SCARB2: variants seen among roughly 807,000 people sequenced by gnomAD.
The protein encoded by SCARB2 is scavenger receptor class B member 2.
In SCARB2, 29 loss-of-function variants were observed where a neutral mutation model predicts 58.6. The ratio of observed to expected loss-of-function variants is 0.49; its 90% CI spans 0.37 to 0.67. The LOEUF (loss-of-function observed/expected upper bound fraction) is 0.67. Ranked by LOEUF, SCARB2 falls within the 30% of genes least tolerant of loss-of-function variation. The pLI is 0.00. For synonymous variants in SCARB2, 195 were observed against 210.1 expected (o/e 0.93, Z 0.62); for missense variants, 488 against 578.5 (o/e 0.84, Z 1.60).
At chr4:76,224,797 G>A (rs1199258141) in intron 1 of SCARB2, among the ~76,000 whole-genome samples, 2 of 151,784 alleles carry the variant, frequency 1.3e-5, no homozygotes, top group Non-Finnish European at 2.9e-5. Context: ...GTGGTGTTTG[G>A]TTGCATGGAA....
intron 1 of SCARB2, among the ~76,000 whole-genome samples, chr4:76,221,615 C>T (rs768953885): frequency 6.6e-6 from 1 of 152,052 alleles, no homozygotes; most frequent in Non-Finnish European, 1.5e-5. Context: ...CCACCGCACC[C>T]GGCCTATTCC....
rs933300631 is a variant in SCARB2, at chr4:76,168,341, C to A, written c.1187+62G>T. 10 of 1,294,314 alleles carry A rather than the reference C, an allele frequency of 7.7e-6. No homozygotes were observed. The African/African-American group carries it at 1.5e-4, about 19-fold the overall frequency. 80.2% of individuals were successfully genotyped at this position (1,294,314 alleles called of 1,614,324 possible). On this transcript the variant is annotated intron_variant, in intron 9 of 11. Transcript: ENST00000264896. The stretch of plus-strand genomic sequence containing the variant: ...TAGGCTGTACTCCTCCTGACATCAA[C>A]CCCACCAGACGGGCAATGGAGCAAA...
chr4:76,183,776 T>A (rs62302656), intron 2 of SCARB2, among the ~76,000 whole-genome samples: 34,050 of 152,076 alleles, frequency 0.22, 4,677 homozygotes, highest in African/African-American at 0.39. Context: ...GTCCTCTTCT[T>A]TCAGGACCAG....
At chr4:76,184,783 A>G (rs1560712136) in intron 2 of SCARB2, 2 of 349,200 alleles carry the variant, frequency 5.7e-6, no homozygotes, top group Non-Finnish European at 1.0e-5. Context: ...CTTTGTCTCT[A>G]CCAAAAAAAA....
At chr4:76,230,655 G>A (rs2109985487) in intron 1 of SCARB2, among the ~76,000 whole-genome samples, 1 of 152,218 alleles carries the variant, frequency 6.6e-6, no homozygotes, top group East Asian at 1.9e-4. Context: ...GAGAGAGAGA[G>A]GAAAGAGCGT....
intron 1 of SCARB2, among the ~76,000 whole-genome samples, chr4:76,196,220 G>A (rs577157261): frequency 1.5e-4 from 23 of 152,356 alleles, no homozygotes; most frequent in African/African-American, 4.8e-4. Flanking sequence ...AGGTGTGGTG[G>A]TGCGTGCCTG....
chr4:76,179,207 C>T (rs1006894370), intron 4 of SCARB2: 1 of 368,018 alleles, frequency 2.7e-6, no homozygotes, highest in Admixed American at 3.8e-5. Flanking sequence ...GTGTACATCA[C>T]CACAGCTGGC....
chr4:76,186,270 A>C (rs1732483164), intron 2 of SCARB2, among the ~76,000 whole-genome samples: 1 of 152,202 alleles, frequency 6.6e-6, no homozygotes, highest in Non-Finnish European at 1.5e-5. Context: ...CAACAGAGGC[A>C]GCGGTGGGGC....
intron 2 of SCARB2, 150 bp downstream of exon 2, chr4:76,195,557 A>G: frequency 2.9e-6 from 2 of 682,474 alleles, no homozygotes; most frequent in Non-Finnish European, 5.2e-6. Context: ...TCACACACAC[A>G]TACAAAACAT....
At chr4:76,180,049 T>G (rs989929228) in intron 3 of SCARB2, 2 of 346,602 alleles carry the variant, frequency 5.8e-6, no homozygotes, top group Non-Finnish European at 1.1e-5. Context: ...GGCCAGAGGC[T>G]CATTATAAAC....
chr4:76,226,902 G>C (rs2174921), intron 1 of SCARB2, among the ~76,000 whole-genome samples: 89,679 of 151,918 alleles, frequency 0.59, 28,060 homozygotes, highest in Non-Finnish European at 0.71. Flanking sequence ...GAGCTTTTTT[G>C]AATCTTCTCT....
chr4:76,199,251 G>A (rs1022468157), intron 1 of SCARB2, among the ~76,000 whole-genome samples: 2 of 152,228 alleles, frequency 1.3e-5, no homozygotes, highest in African/African-American at 4.8e-5. Flanking sequence ...CACCCATCCA[G>A]CAGCTGCCAC....
chr4:76,230,047 A>G (rs1733466589), intron 1 of SCARB2, among the ~76,000 whole-genome samples: 1 of 152,108 alleles, frequency 6.6e-6, no homozygotes, highest in South Asian at 2.1e-4. Flanking sequence ...GTTGGCCAGG[A>G]TATGTATTTG....
chr4:76,171,274 AGGGG>A (rs1732124426), intron 7 of SCARB2, among the ~76,000 whole-genome samples: 1 of 152,162 alleles, frequency 6.6e-6, no homozygotes, highest in Admixed American at 6.5e-5. Flanking sequence ...AGGGCTTAAT[AGGGG>A]CTACTGTCCT....
intron 1 of SCARB2, among the ~76,000 whole-genome samples, chr4:76,212,793 G>T (rs1733082715): frequency 6.6e-6 from 1 of 152,192 alleles, no homozygotes; most frequent in Non-Finnish European, 1.5e-5. Context: ...ATCTGTGCCT[G>T]AAAATTATGG....
In SCARB2 at chr4:76,213,548, T is replaced by C; in HGVS notation, c.-5A>G. On this transcript the variant is annotated 5_prime_UTR_variant, in exon 1 of 12. Coordinates refer to ENST00000264896, the MANE Select transcript of SCARB2 (RefSeq NM_005506.4). ...GTAGAAGCAGCATCGGCCCATTCTGTGCGCCGCTCACGGGCCGGGCCGGGC... is the reference window on the plus strand; with the variant it reads ...GTAGAAGCAGCATCGGCCCATTCTGCGCGCCGCTCACGGGCCGGGCCGGGC... 6.2e-7 allele frequency: 1 copy of C among 1,604,594 alleles called. No individual in the cohort carries two copies. The highest frequency in any genetic ancestry group is 8.5e-7 in the Non-Finnish European group (1 of 1,175,740).
chr4:76,208,585 C>A (rs770523791), intron 1 of SCARB2, among the ~76,000 whole-genome samples: 1 of 152,102 alleles, frequency 6.6e-6, no homozygotes, highest in Non-Finnish European at 1.5e-5. Context: ...ACAGAGGAAG[C>A]CTGTTGGTGG....
intron 1 of SCARB2, among the ~76,000 whole-genome samples, chr4:76,229,689 A>G (rs930594923): frequency 3.3e-5 from 5 of 152,176 alleles, no homozygotes; most frequent in Non-Finnish European, 5.9e-5. Flanking sequence ...GATGTGATCC[A>G]TCTTCAGGTT....
At chr4:76,230,216 G>A (rs892704161) in intron 1 of SCARB2, among the ~76,000 whole-genome samples, 1 of 152,120 alleles carries the variant, frequency 6.6e-6, no homozygotes, top group Admixed American at 6.5e-5. Flanking sequence ...GGCCACTGTA[G>A]GGGATGCTGG....
Sources: allele counts gnomAD v4.1 joint callset (sites outside exome capture counted in the v4.1 genomes callset), GRCh38; gene constraint gnomAD v4.1.1; transcripts MANE v1.5; gene names NCBI Gene and HGNC (gene_info 2026-07-23, HGNC 2026-07-21).